Variants in EFCAB7 observed in about 807,000 individuals in gnomAD.
EFCAB7 encodes the protein EF-hand calcium-binding domain-containing protein 7.
EFCAB7 carries 66 observed loss-of-function variants against 77.1 expected under a neutral mutation model. That is an observed-to-expected ratio of 0.86 (90% CI 0.70 to 1.05). The LOEUF (loss-of-function observed/expected upper bound fraction) is 1.05. Among genes scored for constraint, EFCAB7 ranks in the 50% least tolerant of loss-of-function variants. The pLI, the probability that EFCAB7 is intolerant of heterozygous loss-of-function variation, is 0.00. For synonymous variants in EFCAB7, 225 were observed against 243.3 expected (o/e 0.92, Z 0.70); for missense variants, 638 against 730.5 (o/e 0.87, Z 1.46).
Position 63,524,400 on chromosome 1 carries a change from C to T in EFCAB7, c.-2+766C>T, listed in dbSNP as rs368729336. ...TCTGGTGTAATATGAAAGTGTCAGG[C>T]AGGCGGCCTGCGTATTATAAATAGG... On this transcript the variant is annotated intron_variant, in intron 1 of 13. Transcript: ENST00000371088. Among the ~76,000 whole-genome samples, 9 of 152,300 alleles carry T rather than the reference C, an allele frequency of 5.9e-5. No individual in the cohort carries two copies. In the East Asian group the frequency reaches 1.4e-3, roughly 23 times the overall value.
Position 63,561,846 on chromosome 1 carries a change from G to T in EFCAB7, c.1486G>T (p.Glu496Ter), listed in dbSNP as rs745905354. The change falls in exon 11 of 14, where the codon GAG (glutamate) becomes TAG (stop). Residue 496 changes from glutamate to a stop codon, truncating the protein, a stop_gained. Coordinates refer to ENST00000371088, the MANE Select transcript of EFCAB7 (RefSeq NM_032437.4). LOFTEE classifies it high-confidence loss of function. ...CTCTATGGGCTACAATAAAGCTCTG[G>T]AGTTGACAGAGGTAAAGTATTCTTA... ...LHSMGYNKAL[E>*]LTEACPFVID... 1.3e-6 allele frequency: 2 copies of T among 1,572,896 alleles called. No homozygotes were observed. The highest frequency in any genetic ancestry group is 3.7e-5 in the Admixed American group (2 of 54,090).
intron 10 of EFCAB7, among the ~76,000 whole-genome samples, chr1:63,558,599 C>T (rs975171207): frequency 2.0e-5 from 3 of 152,100 alleles, no homozygotes; most frequent in African/African-American, 7.2e-5. Flanking sequence ...ACTTTACCAA[C>T]ATTAATAATA....
chr1:63,555,861 T>C (rs1355624120), intron 9 of EFCAB7, among the ~76,000 whole-genome samples: 1 of 152,082 alleles, frequency 6.6e-6, no homozygotes, highest in Non-Finnish European at 1.5e-5. Flanking sequence ...GCTCAGCCTC[T>C]TGAGTAGCAG....
chr1:63,578,649 G>A, the EFCAB7 span, among the ~76,000 whole-genome samples: 4 of 152,102 alleles, frequency 2.6e-5, no homozygotes, highest in African/African-American at 4.8e-5. Flanking sequence ...TACCGTGTTA[G>A]CCAGGACGGT....
At chr1:63,538,708 C>G (rs1646793428) in intron 6 of EFCAB7, among the ~76,000 whole-genome samples, 1 of 152,170 alleles carries the variant, frequency 6.6e-6, no homozygotes, top group South Asian at 2.1e-4. Context: ...CCTCAGCCTC[C>G]CAAAGTGCTG....
chr1:63,563,563 T>G (rs1194889373), intron 11 of EFCAB7, among the ~76,000 whole-genome samples: 1 of 152,182 alleles, frequency 6.6e-6, no homozygotes, highest in Non-Finnish European at 1.5e-5. Flanking sequence ...AGACTGTTGA[T>G]TGGTTGGCAC....
At chr1:63,535,732 T>A (rs889181772) in intron 6 of EFCAB7, among the ~76,000 whole-genome samples, 7 of 131,102 alleles carry the variant, frequency 5.3e-5, no homozygotes, top group African/African-American at 1.9e-4. Flanking sequence ...AGAATAGTGT[T>A]AATAATGTTA....
At chr1:63,549,120 G>C (rs2100900818) in intron 7 of EFCAB7, 1 of 283,940 alleles carries the variant, frequency 3.5e-6, no homozygotes, top group East Asian at 1.1e-4. Flanking sequence ...CTTCGCCAAG[G>C]CTGGCGCAGT....
chr1:63,524,306 CTTAA>C (rs1383691139), intron 1 of EFCAB7, among the ~76,000 whole-genome samples: 7 of 152,226 alleles, frequency 4.6e-5, no homozygotes, highest in African/African-American at 1.4e-4. Flanking sequence ...AACTCTGATG[CTTAA>C]TTATAGTATT....
intron 10 of EFCAB7, among the ~76,000 whole-genome samples, chr1:63,557,923 T>C (rs1280603991): frequency 6.6e-6 from 1 of 152,158 alleles, no homozygotes; most frequent in African/African-American, 2.4e-5. Context: ...TCAAGAGAGA[T>C]TAACTCACGT....
chr1:63,541,329 C>G (rs1203603533), intron 6 of EFCAB7, among the ~76,000 whole-genome samples: 1 of 152,058 alleles, frequency 6.6e-6, no homozygotes, highest in East Asian at 1.9e-4. Flanking sequence ...CATTATATAC[C>G]ATTGGTGGTA....
chr1:63,561,678 T>C (rs1392378759), intron 10 of EFCAB7, 31 bp from the exon 11 acceptor site: 14 of 1,456,142 alleles, frequency 9.6e-6, no homozygotes, highest in Admixed American at 2.2e-5. Context: ...TTTTAAATTA[T>C]GTAAGAAAAA....
At chr1:63,560,435 A>G (rs1647083278) in intron 10 of EFCAB7, among the ~76,000 whole-genome samples, 1 of 149,462 alleles carries the variant, frequency 6.7e-6, no homozygotes, top group Non-Finnish European at 1.5e-5. Flanking sequence ...TGTGGCTACC[A>G]TTTCTCTTCA....
At chr1:63,573,097 G>A (rs1265478520), downstream of EFCAB7, among the ~76,000 whole-genome samples, 1 of 152,138 alleles carries the variant, frequency 6.6e-6, no homozygotes, top group Admixed American at 6.5e-5. Context: ...TCAGAGGCCT[G>A]ACATTCCTGT....
chr1:63,545,162 C>G (rs555378675), intron 6 of EFCAB7, among the ~76,000 whole-genome samples: 90 of 151,832 alleles, frequency 5.9e-4, no homozygotes, highest in African/African-American at 2.1e-3. Context: ...CATGATCCAC[C>G]CACCTCAGCC....
chr1:63,525,474 A>G, intron 1 of EFCAB7, 98 bp from the exon 2 acceptor site: 3 of 1,017,468 alleles, frequency 2.9e-6, no homozygotes, highest in Non-Finnish European at 4.1e-6. Flanking sequence ...TTCTATGTAT[A>G]AAATCTTGAT....
At chr1:63,557,706 G>A (rs1005580851) in intron 10 of EFCAB7, among the ~76,000 whole-genome samples, 1 of 152,164 alleles carries the variant, frequency 6.6e-6, no homozygotes, top group Non-Finnish European at 1.5e-5. Context: ...AATTTAAAAA[G>A]TCCATTTATG....
At chr1:63,529,971 G>A (rs950383796) in intron 2 of EFCAB7, 1 of 152,036 alleles carries the variant, frequency 6.6e-6, no homozygotes, top group African/African-American at 2.4e-5. Flanking sequence ...CTGACCTCAG[G>A]TGACCTGCCC....
chr1:63,531,977 T>C lies in EFCAB7; in HGVS notation c.345T>C (p.Asp115=), dbSNP rs1424453695. ...TACTAAAATCATTTAAGCAATTAGA[T>C]GTAAATGATGATGGCTGTATTTTAC... ...AELLKSFKQL[D]VNDDGCILHT... is the part of the protein sequence containing the mutation. Residue 115 remains aspartate, a synonymous_variant, in exon 3 of 14, where the codon GAT becomes GAC. Coordinates refer to ENST00000371088, the MANE Select transcript of EFCAB7 (RefSeq NM_032437.4). The C allele has an allele frequency of 5.0e-6, 8 of 1,612,536 alleles. No homozygotes were observed. Among genetic ancestry groups the C allele is most frequent in the Admixed American group, 1.7e-5 (1 of 59,938 alleles).
Sources: allele counts gnomAD v4.1 joint callset (sites outside exome capture counted in the v4.1 genomes callset), GRCh38; gene constraint gnomAD v4.1.1; transcripts MANE v1.5; gene names NCBI Gene and HGNC (gene_info 2026-07-23, HGNC 2026-07-21).